FSTL4: variants seen among roughly 807,000 people sequenced by gnomAD.
FSTL4 encodes the protein follistatin like 4.
FSTL4 carries 28 observed loss-of-function variants against 78.2 expected under a neutral mutation model. The ratio of observed to expected loss-of-function variants is 0.36; its 90% CI spans 0.27 to 0.49. The LOEUF (loss-of-function observed/expected upper bound fraction) is 0.49, where lower values mean the gene tolerates loss of function less well. Ranked by LOEUF, FSTL4 falls within the 20% of genes least tolerant of loss-of-function variation. FSTL4 has a pLI of 0.98. For synonymous variants in FSTL4, 422 were observed against 440.5 expected, an observed-to-expected ratio of 0.96 and a Z score of 0.53; for missense variants, 922 against 1,084.9, an observed-to-expected ratio of 0.85 and a Z score of 2.11.
At chr5:133,827,400 G>A in the FSTL4 span, among the ~76,000 whole-genome samples, 1 of 152,068 alleles carries the variant, frequency 6.6e-6, no homozygotes, top group Non-Finnish European at 1.5e-5. Flanking sequence ...TATTGACTAA[G>A]GAGTGTCGCG....
At chr5:133,326,016 C>A (rs1307376198) in intron 4 of FSTL4, among the ~76,000 whole-genome samples, 3 of 152,204 alleles carry the variant, frequency 2.0e-5, no homozygotes, top group Admixed American at 6.5e-5. Context: ...GTTACAGGGG[C>A]CTCAGTTGTG....
the FSTL4 span, among the ~76,000 whole-genome samples, chr5:133,648,711 G>A: frequency 2.6e-5 from 4 of 152,218 alleles, no homozygotes; most frequent in South Asian, 2.1e-4. Context: ...AAAAATGGAC[G>A]ACTTTTTAGA....
rs377034193 is a variant in FSTL4, at chr5:133,283,370, C to T, written c.727+29284G>A. On this transcript the variant is annotated intron_variant, in intron 6 of 15. Transcript: ENST00000265342. ...CCCTTGTCCAAATGGTGGACAGTGA[C>T]CTGGGCCCTGTCTTGGAAAGATGTG... Among the ~76,000 whole-genome samples, 42 of 152,252 alleles carry T rather than the reference C, an allele frequency of 2.8e-4. 2 individuals are homozygous for T. In the South Asian group the frequency reaches 8.3e-3, roughly 30 times the overall value.
the FSTL4 span, among the ~76,000 whole-genome samples, chr5:133,755,783 C>T: frequency 2.4e-4 from 37 of 152,308 alleles, no homozygotes; most frequent in African/African-American, 8.7e-4. Flanking sequence ...GAGCACCTGG[C>T]GGGTATAAGC....
rs190908572 is a variant in FSTL4, at chr5:133,233,460, G to A, written c.972C>T (p.Ser324=). 6.1e-5 allele frequency: 99 copies of A among 1,614,230 alleles called. No homozygotes were observed. Among genetic ancestry groups the A allele is most frequent in the East Asian group, 4.2e-4 (19 of 44,878 alleles). The stretch of plus-strand genomic sequence containing the variant: ...GGGTCTGGAACAGCTGCTCGTGGCC[G>A]GAAGCATGGCAGGTGTAATTGCCCA... ...IHMGNYTCHA[S]GHEQLFQTHV... The change falls in exon 8 of 16, where the codon TCC becomes TCT. Residue 324 remains serine, a synonymous_variant. Transcript: ENST00000265342.
At chr5:133,833,007 G>C in the FSTL4 span, among the ~76,000 whole-genome samples, 2 of 152,018 alleles carry the variant, frequency 1.3e-5, no homozygotes, top group East Asian at 3.8e-4. Context: ...AACCCTTATA[G>C]AATGCACAAA....
At position 133,513,534 on chromosome 5, in the gene FSTL4, G is replaced by C. The variant is rs73788115; in HGVS notation, c.160+53652C>G. ...AGCCAGTGGGGCTGGAAGAGGAACT[G>C]CATGAAGTGGATTCTTCCTATAGAA... On this transcript the variant is annotated intron_variant, in intron 3 of 15. Transcript: ENST00000265342. Among the ~76,000 whole-genome samples, 1,073 of 152,316 alleles carry C rather than the reference G, an allele frequency of 7.0e-3. 11 individuals carry two copies. The highest frequency in any genetic ancestry group is 0.025 in the African/African-American group (1,043 of 41,570).
At chr5:133,486,110 G>C (rs1383774578) in intron 3 of FSTL4, among the ~76,000 whole-genome samples, 1 of 152,156 alleles carries the variant, frequency 6.6e-6, no homozygotes, top group Non-Finnish European at 1.5e-5. Context: ...CGGGCTCATG[G>C]AGGAGAATAA....
chr5:133,570,538 A>G (rs1243126314), intron 2 of FSTL4, among the ~76,000 whole-genome samples: 1 of 152,172 alleles, frequency 6.6e-6, no homozygotes, highest in East Asian at 1.9e-4. Context: ...TGGCCAGCTA[A>G]GATTTAAATC....
At chr5:133,707,883 G>T in the FSTL4 span, among the ~76,000 whole-genome samples, 36,662 of 151,638 alleles carry the variant, frequency 0.24, 5,045 homozygotes, top group African/African-American at 0.37. Flanking sequence ...TTCAGGTGTT[G>T]CTTGAGGCCC....
At chr5:133,422,794 A>G (rs1189199614) in intron 3 of FSTL4, among the ~76,000 whole-genome samples, 2 of 152,244 alleles carry the variant, frequency 1.3e-5, no homozygotes, top group East Asian at 3.8e-4. Context: ...AAATTTAACA[A>G]TTCTATCTCT....
chr5:133,689,072 C>T, the FSTL4 span, among the ~76,000 whole-genome samples: 1 of 152,168 alleles, frequency 6.6e-6, no homozygotes, highest in Non-Finnish European at 1.5e-5. Flanking sequence ...CAGCCCCTTG[C>T]CATCTGCCCT....
chr5:133,817,593 C>A, the FSTL4 span, among the ~76,000 whole-genome samples: 1 of 152,188 alleles, frequency 6.6e-6, no homozygotes, highest in Admixed American at 6.5e-5. Flanking sequence ...AGGGCCACAG[C>A]TGCCCCTGCC....
chr5:133,211,774 TTCTC>T lies in FSTL4; in HGVS notation c.1609-1480_1609-1477del, dbSNP rs1318063077. ...CATTCTGACTTCATCTTTGACTGTC[TTCTC>T]TCTTTCACTGGAATGCCATGGCTTC... On this transcript the variant is annotated intron_variant, in intron 13 of 15. Coordinates refer to ENST00000265342, the MANE Select transcript of FSTL4 (RefSeq NM_015082.2). 2.0e-5 allele frequency among the ~76,000 whole-genome samples: 3 copies of T among 152,258 alleles called. No individual in the cohort carries two copies. The East Asian group carries it at 5.8e-4, about 29-fold the overall frequency.
the FSTL4 span, among the ~76,000 whole-genome samples, chr5:133,838,829 G>A: frequency 3.9e-5 from 6 of 152,186 alleles, no homozygotes; most frequent in Admixed American, 3.9e-4. Flanking sequence ...GCCTATCTGT[G>A]TTGAAGGGAA....
chr5:133,441,583 T>C (rs1757159979), intron 3 of FSTL4, among the ~76,000 whole-genome samples: 1 of 152,138 alleles, frequency 6.6e-6, no homozygotes, highest in Non-Finnish European at 1.5e-5. Context: ...CTTGGAGGCC[T>C]GAGGCAAGCA....
chr5:133,574,332 A>G (rs1194511582), intron 2 of FSTL4, among the ~76,000 whole-genome samples: 1 of 152,206 alleles, frequency 6.6e-6, no homozygotes, highest in Non-Finnish European at 1.5e-5. Context: ...GATATGAAGG[A>G]ACTATAATTT....
chr5:133,392,153 G>T (rs1237618039), intron 4 of FSTL4, among the ~76,000 whole-genome samples: 1 of 152,186 alleles, frequency 6.6e-6, no homozygotes, highest in Non-Finnish European at 1.5e-5. Context: ...GAATAGCTAG[G>T]AGGCCATAGA....
At chr5:133,313,236 T>G (rs568423525) in intron 5 of FSTL4, among the ~76,000 whole-genome samples, 2 of 152,188 alleles carry the variant, frequency 1.3e-5, no homozygotes. Context: ...TGCTGCATCA[T>G]GCACCCACCC....
Sources: allele counts gnomAD v4.1 joint callset (sites outside exome capture counted in the v4.1 genomes callset), GRCh38; gene constraint gnomAD v4.1.1; transcripts MANE v1.5; gene names NCBI Gene and HGNC (gene_info 2026-07-23, HGNC 2026-07-21).